Variants in TSGA10 observed in about 807,000 individuals in gnomAD.
TSGA10 encodes testis specific 10.
TSGA10 carries 43 observed loss-of-function variants against 96.6 expected under a neutral mutation model. The ratio of observed to expected loss-of-function variants is 0.44; its 90% confidence interval spans 0.35 to 0.57. TSGA10 has a LOEUF of 0.57. Among genes scored for constraint, TSGA10 ranks in the 20% least tolerant of loss-of-function variants. The pLI is 0.01. For missense variants in TSGA10, 703 were observed against 834.4 expected, an observed-to-expected ratio of 0.84 and a Z score of 1.94; for synonymous variants, 229 against 269.9, an observed-to-expected ratio of 0.85 and a Z score of 1.48.
chr2:99,052,714 G>C (rs1192897127), intron 16 of TSGA10, among the ~76,000 whole-genome samples: 1 of 149,290 alleles, frequency 6.7e-6, no homozygotes, highest in Non-Finnish European at 1.5e-5. Flanking sequence ...CTCCAGCCTG[G>C]GTGACAGAGC....
At chr2:99,027,751 T>C (rs1459562024) in intron 17 of TSGA10, among the ~76,000 whole-genome samples, 1 of 152,152 alleles carries the variant, frequency 6.6e-6, no homozygotes, top group Non-Finnish European at 1.5e-5. Context: ...AAATAGAGAC[T>C]AATAATAAGG....
rs542267735 is a variant in TSGA10 at position 99,040,105 on chromosome 2, T to C, written c.1405-4666A>G. On this transcript the variant is annotated intron_variant, in intron 16 of 20. Coordinates refer to ENST00000393483, the MANE Select transcript of TSGA10 (RefSeq NM_025244.4). ...ATTAAAACCCTCAGCAAAATCAGCA[T>C]AGAAGGGACATACCCTAAGGTAATA... Among the ~76,000 whole-genome samples the C allele has an allele frequency of 3.8e-4, 58 of 152,142 alleles. 1 individual carries two copies. In the South Asian group the frequency reaches 0.01, roughly 27 times the overall value.
intron 17 of TSGA10, among the ~76,000 whole-genome samples, chr2:99,021,126 T>C (rs2104957648): frequency 6.6e-6 from 1 of 151,976 alleles, no homozygotes; most frequent in South Asian, 2.1e-4. Context: ...AAAACAATTA[T>C]TCCTTATCTT....
At chr2:99,066,673 A>G (rs902601335) in intron 15 of TSGA10, among the ~76,000 whole-genome samples, 1 of 152,104 alleles carries the variant, frequency 6.6e-6, no homozygotes, top group African/African-American at 2.4e-5. Context: ...AGCAGAAAGC[A>G]TATTTTACCC....
chr2:99,103,893 T>C (rs2091047238), intron 10 of TSGA10, 74 bp downstream of exon 10: 1 of 1,501,132 alleles, frequency 6.7e-7, no homozygotes, highest in Non-Finnish European at 9.0e-7. Context: ...ATAATTTTCA[T>C]TATAAAATAC....
intron 10 of TSGA10, among the ~76,000 whole-genome samples, chr2:99,096,479 G>A (rs1345184390): frequency 1.3e-5 from 2 of 152,158 alleles, no homozygotes; most frequent in African/African-American, 2.4e-5. Context: ...ATGTTGATAA[G>A]GTTGCCTTTA....
At chr2:99,105,778 A>C in intron 7 of TSGA10, 81 bp from the exon 8 acceptor site, 1 of 1,190,018 alleles carries the variant, frequency 8.4e-7, no homozygotes, top group Non-Finnish European at 1.2e-6. Context: ...TAGCCAGTTA[A>C]AATGCAAACC....
intron 16 of TSGA10, among the ~76,000 whole-genome samples, chr2:99,036,057 A>C (rs539974816): frequency 1.3e-5 from 2 of 152,158 alleles, no homozygotes; most frequent in Non-Finnish European, 2.9e-5. Flanking sequence ...TCGAATGTTC[A>C]AGATAATTCC....
chr2:99,042,039 C>CCTTTTT lies in TSGA10; in HGVS notation c.1405-6601_1405-6600insAAAAAG, dbSNP rs1558816084. ...ACATGAATAGACAATTGCCCCCCCA[C>CCTTTTT]ATTTTTTTTTTTTTTTTTTTTGAGA... On this transcript the variant is annotated intron_variant, in intron 16 of 20. Transcript: ENST00000393483. Among the ~76,000 whole-genome samples the CCTTTTT allele has an allele frequency of 7.1e-5, 10 of 140,110 alleles. 1 individual carries two copies. Among genetic ancestry groups the CCTTTTT allele is most frequent in the African/African-American group, 5.6e-5 (2 of 35,668 alleles). The allele number at this position is 140,110 out of a possible 152,430, so 91.9% of individuals were successfully genotyped here.
chr2:99,014,343 T>A (rs2079301790), intron 20 of TSGA10, among the ~76,000 whole-genome samples: 1 of 152,020 alleles, frequency 6.6e-6, no homozygotes, highest in Non-Finnish European at 1.5e-5. Flanking sequence ...TCAAAAAAAT[T>A]AATAATAATT....
intron 1 of TSGA10, among the ~76,000 whole-genome samples, chr2:99,151,712 C>T (rs1316281543): frequency 1.3e-5 from 2 of 152,092 alleles, no homozygotes; most frequent in Non-Finnish European, 2.9e-5. Context: ...TTTTTCCCCC[C>T]ACATAGAATC....
intron 12 of TSGA10, among the ~76,000 whole-genome samples, chr2:99,075,503 T>C (rs1287183020): frequency 1.3e-5 from 2 of 152,194 alleles, no homozygotes; most frequent in African/African-American, 4.8e-5. Flanking sequence ...AAAATCACTT[T>C]ATTCACTATA....
chr2:99,027,336 G>A (rs1431692274), intron 17 of TSGA10, among the ~76,000 whole-genome samples: 3 of 152,160 alleles, frequency 2.0e-5, no homozygotes, highest in South Asian at 4.1e-4. Context: ...ACTTATAAGT[G>A]GAATCTAAAC....
intron 10 of TSGA10, among the ~76,000 whole-genome samples, chr2:99,098,933 A>AT (rs2090398478): frequency 6.6e-6 from 1 of 152,232 alleles, no homozygotes; most frequent in African/African-American, 2.4e-5. Flanking sequence ...AAACTGTTCC[A>AT]CAAAATGACA....
intron 16 of TSGA10, 150 bp downstream of exon 16, chr2:99,064,789 A>G: frequency 1.8e-6 from 1 of 549,684 alleles, no homozygotes; most frequent in Non-Finnish European, 2.9e-6. Flanking sequence ...TAGAAGAATC[A>G]AAGTATAAGG....
chr2:99,143,506 C>T (rs912435943), intron 1 of TSGA10, among the ~76,000 whole-genome samples: 2 of 148,730 alleles, frequency 1.3e-5, no homozygotes, highest in Non-Finnish European at 1.5e-5. Flanking sequence ...CTCTGTTGCC[C>T]TGTACCCAGG....
chr2:99,152,847 G>C lies in TSGA10; in HGVS notation c.-621+1846C>G, dbSNP rs768544128. ...CTTTATGCATGCAGGATCCCTGGGG[G>C]GAAAGAGTGAGTTCAGGAGCATGGC... On this transcript the variant is annotated intron_variant, in intron 1 of 20. Transcript: ENST00000393483. Among the ~76,000 whole-genome samples the C allele has an allele frequency of 1.3e-3, 202 of 152,304 alleles. 1 individual carries two copies. Among genetic ancestry groups the C allele is most frequent in the Non-Finnish European group, 6.3e-4 (43 of 68,030 alleles).
At chr2:99,110,674 A>C (rs1457023194) in intron 5 of TSGA10, among the ~76,000 whole-genome samples, 176 bp downstream of exon 5, 2 of 152,208 alleles carry the variant, frequency 1.3e-5, no homozygotes, top group Admixed American at 6.5e-5. Flanking sequence ...GCAGCAAAAA[A>C]AAGTCACTCT....
At chr2:99,046,219 A>G (rs1424539709) in intron 16 of TSGA10, among the ~76,000 whole-genome samples, 7 of 152,174 alleles carry the variant, frequency 4.6e-5, no homozygotes, top group South Asian at 2.1e-4. Context: ...TGCACCAAGC[A>G]GACCTAATAG....
Sources: gnomAD v4.1 joint callset for allele counts (sites outside exome capture counted in the v4.1 genomes callset) on GRCh38, gnomAD v4.1.1 for gene constraint, MANE v1.5 for transcripts, NCBI Gene and HGNC (gene_info 2026-07-23, HGNC 2026-07-21) for gene names.